PPFIA2: variants seen among roughly 807,000 people sequenced by gnomAD.
PPFIA2 encodes the protein PPFI scaffold protein A2.
A neutral mutation model predicts 175.5 loss-of-function variants in PPFIA2; 46 were observed. That is an observed-to-expected ratio of 0.26 (90% confidence interval 0.21 to 0.34). The LOEUF (loss-of-function observed/expected upper bound fraction) is 0.34. Among genes scored for constraint, PPFIA2 ranks in the 10% least tolerant of loss-of-function variants. The pLI is 1.00. For synonymous variants in PPFIA2, 568 were observed against 511.4 expected (o/e 1.11, Z -1.49); for missense variants, 1,179 against 1,506.1 (o/e 0.78, Z 3.60).
chr12:81,347,723 A>G lies in PPFIA2; in HGVS notation c.2042T>C (p.Ile681Thr), dbSNP rs1040899974. Residue 681 changes from isoleucine (I) to threonine (T), a missense_variant, in exon 18 of 33, where the codon ATT (isoleucine) becomes ACT (threonine). Physicochemically the swap from Ile to Thr is moderately conservative, Grantham distance 89 (BLOSUM62 -1). Around this residue, in one of 10 missense-constraint regions of PPFIA2, gnomAD observed 223 missense variants for 241.6 expected, o/e 0.92. Coordinates refer to ENST00000549396, the MANE Select transcript of PPFIA2 (RefSeq NM_003625.5). ...KESTELRAEEIENRVASVSLE... is the reference protein window; with the variant it reads ...KESTELRAEETENRVASVSLE... Reference sequence around the variant, plus strand: ...GCTCACACTAGCCACTCTATTTTCAATTTCTTCAGCACGCAACTCTGTAGA... The same window carrying G: ...GCTCACACTAGCCACTCTATTTTCAGTTTCTTCAGCACGCAACTCTGTAGA... 2 of 1,613,662 alleles carry G rather than the reference A, an allele frequency of 1.2e-6. No homozygotes were observed. The highest frequency in any genetic ancestry group is 8.5e-7 in the Non-Finnish European group (1 of 1,179,810).
intron 4 of PPFIA2, among the ~76,000 whole-genome samples, chr12:81,649,355 C>A (rs898954622): frequency 1.3e-5 from 2 of 152,092 alleles, no homozygotes; most frequent in Admixed American, 6.6e-5. Flanking sequence ...ATGGAAAGTG[C>A]AAACTGAATA....
chr12:81,300,930 A>C (rs1003898390), intron 22 of PPFIA2, among the ~76,000 whole-genome samples: 11 of 152,212 alleles, frequency 7.2e-5, no homozygotes, highest in Non-Finnish European at 1.0e-4. Context: ...ATTTCCCAGG[A>C]TATCCTGTTA....
intron 4 of PPFIA2, among the ~76,000 whole-genome samples, chr12:81,565,592 A>G (rs186131820): frequency 6.6e-6 from 1 of 152,298 alleles, no homozygotes; most frequent in East Asian, 1.9e-4. Context: ...AGTATTTACA[A>G]TAGCCTGAGA....
intron 4 of PPFIA2, among the ~76,000 whole-genome samples, chr12:81,511,503 C>A (rs1397972093): frequency 6.6e-6 from 1 of 151,900 alleles, no homozygotes; most frequent in Non-Finnish European, 1.5e-5. Flanking sequence ...AATAATAGTA[C>A]ATTTTTAAAA....
intron 4 of PPFIA2, among the ~76,000 whole-genome samples, chr12:81,668,793 T>C (rs1026594870): frequency 1.3e-5 from 2 of 152,036 alleles, no homozygotes; most frequent in South Asian, 2.1e-4. Context: ...GGGATACTTA[T>C]CATCAATGGC....
intron 28 of PPFIA2, among the ~76,000 whole-genome samples, chr12:81,274,237 C>A (rs542350017): frequency 1.3e-5 from 2 of 152,102 alleles, no homozygotes; most frequent in African/African-American, 4.8e-5. Context: ...TAAAAATGAA[C>A]GTGACAATGC....
intron 22 of PPFIA2, among the ~76,000 whole-genome samples, chr12:81,314,780 G>A (rs888813014): frequency 6.6e-6 from 1 of 151,792 alleles, no homozygotes; most frequent in African/African-American, 2.4e-5. Context: ...AGTTCAAGTT[G>A]GTGATTCAGA....
intron 4 of PPFIA2, among the ~76,000 whole-genome samples, chr12:81,603,166 C>T (rs778677206): frequency 7.2e-5 from 11 of 151,756 alleles, no homozygotes; most frequent in Admixed American, 1.3e-4. Context: ...CCTTAATAAG[C>T]CTCAATCTCC....
intron 8 of PPFIA2, among the ~76,000 whole-genome samples, chr12:81,386,402 T>A (rs1394412527): frequency 6.6e-6 from 1 of 151,850 alleles, no homozygotes; most frequent in East Asian, 1.9e-4. Flanking sequence ...GGTGGGAGGA[T>A]CACTTGAGGC....
intron 22 of PPFIA2, among the ~76,000 whole-genome samples, chr12:81,305,856 G>GA (rs1410040708): frequency 6.6e-6 from 1 of 152,128 alleles, no homozygotes; most frequent in Non-Finnish European, 1.5e-5. Context: ...TTGCAATTCT[G>GA]AAAAATGAAA....
intron 4 of PPFIA2, among the ~76,000 whole-genome samples, chr12:81,543,524 T>C (rs2066527224): frequency 6.6e-6 from 1 of 152,138 alleles, no homozygotes; most frequent in Non-Finnish European, 1.5e-5. Flanking sequence ...GTGAAGAATA[T>C]AGAAATCTTA....
rs2037852914 is a variant in PPFIA2 at position 81,268,089 on chromosome 12, T to C, written c.3311-2A>G. ...GGTCATTGCTCCACACCAACACGTC[T>C]AGGAAAAGAGATGCATCATTTTAGG... On this transcript the variant is annotated splice_acceptor_variant, in intron 28 of 32. Transcript: ENST00000549396. LOFTEE classifies it high-confidence loss of function. The C allele has an allele frequency of 6.3e-7, 1 of 1,578,906 alleles. No homozygotes were observed. The highest frequency in any genetic ancestry group is 1.4e-5 in the African/African-American group (1 of 73,792).
At chr12:81,354,608 G>A (rs1253864674) in intron 16 of PPFIA2, among the ~76,000 whole-genome samples, 1 of 151,970 alleles carries the variant, frequency 6.6e-6, no homozygotes, top group East Asian at 1.9e-4. Flanking sequence ...AGTCATCCAT[G>A]AGGGTTAAAA....
intron 4 of PPFIA2, among the ~76,000 whole-genome samples, chr12:81,528,809 C>T (rs1344404314): frequency 1.3e-4 from 19 of 151,926 alleles, no homozygotes. Context: ...TGCTCACCCA[C>T]ACAACCGAAT....
chr12:81,408,494 ATTTG>A (rs1441244341), intron 7 of PPFIA2, among the ~76,000 whole-genome samples: 3 of 152,196 alleles, frequency 2.0e-5, no homozygotes, highest in Non-Finnish European at 4.4e-5. Flanking sequence ...ATTAGCTTAC[ATTTG>A]TTTAATAAAC....
chr12:81,650,016 T>TTG (rs1193858139), intron 4 of PPFIA2, among the ~76,000 whole-genome samples: 1 of 151,942 alleles, frequency 6.6e-6, no homozygotes, highest in African/African-American at 2.4e-5. Flanking sequence ...GTTTTTGTTT[T>TTG]TTTTTTTTCC....
At chr12:81,634,163 T>C (rs1463006426) in intron 4 of PPFIA2, among the ~76,000 whole-genome samples, 1 of 152,126 alleles carries the variant, frequency 6.6e-6, no homozygotes, top group African/African-American at 2.4e-5. Context: ...CAGGTTTTGT[T>C]CTCATGGGCT....
chr12:81,362,104 G>C (rs1264549441), intron 15 of PPFIA2, among the ~76,000 whole-genome samples: 1 of 150,964 alleles, frequency 6.6e-6, no homozygotes, highest in Non-Finnish European at 1.5e-5. Context: ...AGATGAGATA[G>C]TGAATCAAAG....
chr12:81,749,785 T>G (rs1444903237), intron 3 of PPFIA2, among the ~76,000 whole-genome samples: 1 of 144,398 alleles, frequency 6.9e-6, no homozygotes, highest in African/African-American at 2.4e-5. Context: ...TTAAACACTT[T>G]TTGTAGCATG....
Sources: allele counts gnomAD v4.1 joint callset (sites outside exome capture counted in the v4.1 genomes callset), GRCh38; gene constraint gnomAD v4.1.1; regional missense constraint gnomAD v4.1.1; transcripts MANE v1.5; gene names NCBI Gene and HGNC (gene_info 2026-07-23, HGNC 2026-07-21).